Variants in DPP6 observed in about 807,000 individuals in gnomAD.
DPP6 encodes dipeptidyl peptidase like 6.
Under a neutral mutation model 122.6 loss-of-function variants are expected in DPP6, and 69 were observed. The observed-to-expected ratio is 0.56, with a 90% CI of 0.46 to 0.69. DPP6 has a LOEUF of 0.69. Among genes scored for constraint, DPP6 ranks in the 30% least tolerant of loss-of-function variants. The pLI, the probability that DPP6 is intolerant of heterozygous loss-of-function variation, is 0.00. For synonymous variants in DPP6, 418 were observed against 433.1 expected, an observed-to-expected ratio of 0.97 and a Z score of 0.43; for missense variants, 928 against 1,116.9, an observed-to-expected ratio of 0.83 and a Z score of 2.41.
the DPP6 span, among the ~76,000 whole-genome samples, chr7:153,826,407 G>A: frequency 6.6e-6 from 1 of 152,116 alleles, no homozygotes; most frequent in Non-Finnish European, 1.5e-5. Flanking sequence ...TTGTCCTTCT[G>A]TGTAATCTCC....
chr7:154,590,617 C>T (rs553876640), intron 5 of DPP6, among the ~76,000 whole-genome samples: 1 of 134,246 alleles, frequency 7.4e-6, no homozygotes, highest in South Asian at 2.5e-4. Flanking sequence ...TCACTGAAAC[C>T]TCCACCTCCC....
the DPP6 span, among the ~76,000 whole-genome samples, chr7:153,839,621 G>A: frequency 6.6e-6 from 1 of 152,216 alleles, no homozygotes; most frequent in African/African-American, 2.4e-5. Context: ...TCCTACACCT[G>A]ACCCTCTGGG....
At chr7:154,125,071 C>T (rs1465290658) in intron 1 of DPP6, among the ~76,000 whole-genome samples, 2 of 152,200 alleles carry the variant, frequency 1.3e-5, no homozygotes, top group African/African-American at 4.8e-5. Context: ...CAGGGCGCAG[C>T]CCATTGGTAT....
chr7:154,584,253 CT>C, intron 5 of DPP6, among the ~76,000 whole-genome samples: 1 of 152,326 alleles, frequency 6.6e-6, no homozygotes, highest in Admixed American at 6.5e-5. Flanking sequence ...TTTGCAGGCG[CT>C]GTTCCCTCTG....
intron 1 of DPP6, among the ~76,000 whole-genome samples, chr7:153,981,487 T>C (rs976059430): frequency 3.9e-5 from 6 of 152,224 alleles, no homozygotes; most frequent in Non-Finnish European, 5.9e-5. Context: ...GGGTCTTGAC[T>C]CTTTATCCAA....
At chr7:154,772,985 A>C in intron 10 of DPP6, 43 bp downstream of exon 10, 2 of 1,499,486 alleles carry the variant, frequency 1.3e-6, no homozygotes, top group Non-Finnish European at 8.9e-7. Context: ...AAAAAAAACT[A>C]AGATGAATGT....
intron 8 of DPP6, among the ~76,000 whole-genome samples, chr7:154,741,701 G>T (rs1842829039): frequency 1.3e-5 from 2 of 152,166 alleles, no homozygotes; most frequent in Non-Finnish European, 2.9e-5. Context: ...CAACCCTAAG[G>T]ACAAGGCAGC....
Position 154,446,327 on chromosome 7 carries a change from A to G in DPP6, c.357A>G (p.Pro119=). Residue 119 remains proline, a splice_region_variant and synonymous_variant, in exon 2 of 26, where the codon CCA becomes CCG. Coordinates refer to ENST00000377770, the MANE Select transcript of DPP6 (RefSeq NM_130797.4). The part of the protein sequence containing the change: ...LIVTSVILLT[P]AEDNSLSQKK... ...TCACCTCGGTCATACTTCTGACACCAGGTACTGTATTCATTCTTGGAAAAG... is the reference window on the plus strand; with the variant it reads ...TCACCTCGGTCATACTTCTGACACCGGGTACTGTATTCATTCTTGGAAAAG... 1 of 1,610,194 alleles carries G rather than the reference A, an allele frequency of 6.2e-7. No homozygotes were observed. The highest frequency in any genetic ancestry group is 8.5e-7 in the Non-Finnish European group (1 of 1,177,512).
the DPP6 span, among the ~76,000 whole-genome samples, chr7:153,859,642 T>G: frequency 3.9e-5 from 6 of 152,196 alleles, no homozygotes; most frequent in Non-Finnish European, 8.8e-5. Context: ...GATATGGCTG[T>G]GGCTAAGTGT....
intron 1 of DPP6, among the ~76,000 whole-genome samples, chr7:154,298,920 C>T (rs1031245960): frequency 2.0e-5 from 3 of 152,198 alleles, no homozygotes; most frequent in African/African-American, 7.2e-5. Flanking sequence ...CGTTCTCATC[C>T]GCGAGACCCT....
chr7:153,773,207 A>T, the DPP6 span, among the ~76,000 whole-genome samples: 3 of 148,092 alleles, frequency 2.0e-5, no homozygotes, highest in Non-Finnish European at 3.0e-5. Flanking sequence ...GAAGTCAAAA[A>T]TTTTTTTAAA....
chr7:154,398,080 G>A (rs1441818474), intron 1 of DPP6, among the ~76,000 whole-genome samples: 1 of 152,302 alleles, frequency 6.6e-6, no homozygotes, highest in Non-Finnish European at 1.5e-5. Flanking sequence ...AAGAATCAGA[G>A]CACCAACCCT....
chr7:154,193,202 A>T (rs1798698962), intron 1 of DPP6, among the ~76,000 whole-genome samples: 1 of 152,216 alleles, frequency 6.6e-6, no homozygotes, highest in Non-Finnish European at 1.5e-5. Context: ...TAAAAAGTAC[A>T]TTAGACTTTT....
intron 1 of DPP6, among the ~76,000 whole-genome samples, chr7:154,136,454 C>G (rs923174584): frequency 1.3e-5 from 2 of 152,160 alleles, no homozygotes; most frequent in African/African-American, 4.8e-5. Flanking sequence ...TACAGGGGAA[C>G]CACAGAATCT....
chr7:154,050,992 TC>T (rs2129061428), upstream of DPP6, among the ~76,000 whole-genome samples: 1 of 144,538 alleles, frequency 6.9e-6, no homozygotes, highest in East Asian at 2.0e-4. Flanking sequence ...TCCAGTATTC[TC>T]CCCCGCAGTT....
chr7:154,377,716 C>T (rs982186373), intron 1 of DPP6, among the ~76,000 whole-genome samples: 1 of 152,208 alleles, frequency 6.6e-6, no homozygotes, highest in Non-Finnish European at 1.5e-5. Context: ...TTTCCTGAGG[C>T]CTCCCCAGCC....
chr7:154,673,384 G>A (rs979730120), intron 7 of DPP6, among the ~76,000 whole-genome samples: 1 of 152,164 alleles, frequency 6.6e-6, no homozygotes, highest in East Asian at 1.9e-4. Context: ...AGGGAACCAG[G>A]GATGGGTGAG....
chr7:154,340,937 A>G (rs1384058568), intron 1 of DPP6, among the ~76,000 whole-genome samples: 1 of 152,134 alleles, frequency 6.6e-6, no homozygotes, highest in Non-Finnish European at 1.5e-5. Context: ...TTTGAAAAAC[A>G]TTTCCCTTGA....
chr7:154,008,048 A>C (rs1797988586), intron 1 of DPP6, among the ~76,000 whole-genome samples: 1 of 152,210 alleles, frequency 6.6e-6, no homozygotes, highest in Admixed American at 6.5e-5. Context: ...AGTAGTTTCC[A>C]CCACTATTAA....
Sources: gnomAD v4.1 joint callset for allele counts (sites outside exome capture counted in the v4.1 genomes callset) on GRCh38, gnomAD v4.1.1 for gene constraint, MANE v1.5 for transcripts, NCBI Gene and HGNC (gene_info 2026-07-23, HGNC 2026-07-21) for gene names.